The following ZNF804B variants were observed in gnomAD, a reference collection of about 807,000 sequenced individuals.
ZNF804B encodes the protein zinc finger protein 804B, also known as zinc finger 804B.
A neutral mutation model predicts 101.4 loss-of-function variants in ZNF804B; 80 were observed. That is an observed-to-expected ratio of 0.79 (90% confidence interval 0.66 to 0.95). The LOEUF (loss-of-function observed/expected upper bound fraction) is 0.95, where lower values mean the gene tolerates loss of function less well. ZNF804B is among the 40% of genes least tolerant of loss of function. The probability of loss-of-function intolerance (pLI) is 0.00; values close to 1 mark genes in which losing one functional copy is unlikely to be tolerated. For missense variants in ZNF804B, 1,673 were observed against 1,561.9 expected, an observed-to-expected ratio of 1.07 and a Z score of -1.20; for synonymous variants, 622 against 558.8, an observed-to-expected ratio of 1.11 and a Z score of -1.59.
At chr7:88,808,655 A>G (rs1399046575) in intron 1 of ZNF804B, among the ~76,000 whole-genome samples, 1 of 152,172 alleles carries the variant, frequency 6.6e-6, no homozygotes, top group African/African-American at 2.4e-5. Flanking sequence ...AAGCTGTGAA[A>G]AATATGTAAA....
rs1249623635 is a variant in ZNF804B at position 89,218,413 on chromosome 7, C to G, written c.249+118C>G. The stretch of plus-strand genomic sequence containing the variant: ...ACTGTGAGGTAAGAACATTTTATGT[C>G]TTTTTTCCCCCCTGGAAAGGTTGTG... On this transcript the variant is annotated intron_variant, in intron 2 of 3. Transcript: ENST00000333190. 4 of 1,208,180 alleles carry G rather than the reference C, an allele frequency of 3.3e-6. No individual in the cohort carries two copies. The African/African-American group carries it at 4.7e-5, about 14-fold the overall frequency. 74.8% of individuals were successfully genotyped at this position (1,208,180 alleles called of 1,614,324 possible). A position where few individuals can be genotyped will look rare whatever the true frequency, so the allele number is the denominator to read the frequency against.
chr7:88,942,525 T>C (rs1464016065), intron 1 of ZNF804B, among the ~76,000 whole-genome samples: 2 of 150,444 alleles, frequency 1.3e-5, no homozygotes, highest in African/African-American at 4.9e-5. Flanking sequence ...TGTGTGTGTG[T>C]GTGTGTTTTG....
intron 1 of ZNF804B, among the ~76,000 whole-genome samples, chr7:88,797,634 G>A (rs4598183): frequency 6.6e-6 from 1 of 151,932 alleles, no homozygotes; most frequent in African/African-American, 2.4e-5. Context: ...CTGCTACCCA[G>A]GAGCCCCTTT....
intron 1 of ZNF804B, among the ~76,000 whole-genome samples, chr7:88,783,857 T>G (rs923925513): frequency 3.3e-5 from 5 of 152,156 alleles, no homozygotes; most frequent in Non-Finnish European, 4.4e-5. Context: ...TGGGTCATTT[T>G]GGTTGAAATG....
chr7:88,801,084 G>A (rs1790573810), intron 1 of ZNF804B, among the ~76,000 whole-genome samples: 2 of 151,796 alleles, frequency 1.3e-5, no homozygotes. Context: ...GGTTTTTGGG[G>A]AACAGGTGGT....
intron 1 of ZNF804B, among the ~76,000 whole-genome samples, chr7:89,066,539 A>G (rs1789457166): frequency 6.6e-6 from 1 of 152,148 alleles, no homozygotes; most frequent in Admixed American, 6.6e-5. Context: ...CCTGGCCAAA[A>G]TTATCCTTAA....
chr7:88,885,912 C>T (rs981739450), intron 1 of ZNF804B, among the ~76,000 whole-genome samples: 5 of 151,954 alleles, frequency 3.3e-5, no homozygotes, highest in African/African-American at 4.8e-5. Context: ...TGTTCTTTAT[C>T]AAATTTTCAA....
intron 1 of ZNF804B, among the ~76,000 whole-genome samples, chr7:88,983,334 C>A (rs1793718021): frequency 1.3e-5 from 2 of 152,032 alleles, no homozygotes; most frequent in South Asian, 4.1e-4. Context: ...ACATCATAAT[C>A]ATCTGGACAG....
At chr7:89,316,460 C>T (rs1329087534) in intron 2 of ZNF804B, among the ~76,000 whole-genome samples, 1 of 151,998 alleles carries the variant, frequency 6.6e-6, no homozygotes, top group African/African-American at 2.4e-5. Flanking sequence ...GGGTCCCCAA[C>T]CCTTGGGCCA....
At chr7:89,242,607 C>G (rs1181953530) in intron 2 of ZNF804B, among the ~76,000 whole-genome samples, 6 of 151,214 alleles carry the variant, frequency 4.0e-5, no homozygotes, top group African/African-American at 1.5e-4. Flanking sequence ...CACAAAGAAG[C>G]CTTTAGGTCA....
chr7:88,807,930 G>A (rs781236596), intron 1 of ZNF804B, among the ~76,000 whole-genome samples: 1 of 152,142 alleles, frequency 6.6e-6, no homozygotes, highest in Non-Finnish European at 1.5e-5. Context: ...TCCTACAACT[G>A]AAGTGGAAAA....
intron 1 of ZNF804B, among the ~76,000 whole-genome samples, chr7:88,929,751 A>G (rs558587347): frequency 2.0e-5 from 3 of 152,132 alleles, no homozygotes; most frequent in East Asian, 3.9e-4. Context: ...TCCTATTGCA[A>G]TACTATCATT....
intron 1 of ZNF804B, among the ~76,000 whole-genome samples, chr7:88,765,432 A>G (rs1789966695): frequency 6.6e-6 from 1 of 152,174 alleles, no homozygotes. Context: ...GCACTAAAAT[A>G]CGTATTTTTA....
At chr7:88,994,874 A>G (rs999869912) in intron 1 of ZNF804B, among the ~76,000 whole-genome samples, 1 of 152,102 alleles carries the variant, frequency 6.6e-6, no homozygotes, top group Non-Finnish European at 1.5e-5. Flanking sequence ...CTCTGGATTC[A>G]TTTTGCATAG....
intron 1 of ZNF804B, among the ~76,000 whole-genome samples, chr7:89,042,663 A>G (rs1789034092): frequency 6.6e-6 from 1 of 152,176 alleles, no homozygotes; most frequent in Non-Finnish European, 1.5e-5. Context: ...TTTGGGACTA[A>G]TGCAGAGCTA....
chr7:89,096,455 C>T (rs921599679), intron 1 of ZNF804B, among the ~76,000 whole-genome samples: 3 of 152,056 alleles, frequency 2.0e-5, no homozygotes, highest in Non-Finnish European at 1.5e-5. Flanking sequence ...ATCAAATGCT[C>T]CTCTTTGCTG....
rs148951682 is a variant in ZNF804B, at chr7:89,186,756, T to C, written c.109-31399T>C. ...TCCTTCTGCAATAGTAATCTGTTCT[T>C]GATTTTAAAAAGATGTTTAGAAAAA... is the stretch of plus-strand genomic sequence containing the variant. On this transcript the variant is annotated intron_variant, in intron 1 of 3. Transcript: ENST00000333190. Among the ~76,000 whole-genome samples, 1,388 of 152,296 alleles carry C rather than the reference T, an allele frequency of 9.1e-3. 29 individuals carry two copies. Among genetic ancestry groups the C allele is most frequent in the African/African-American group, 0.031 (1,282 of 41,566 alleles).
chr7:89,325,653 CA>C (rs921570513), intron 2 of ZNF804B, among the ~76,000 whole-genome samples: 13 of 151,694 alleles, frequency 8.6e-5, no homozygotes, highest in Admixed American at 2.0e-4. Context: ...AACAGGATTC[CA>C]AAAATGAGTC....
At chr7:89,314,940 A>G (rs920693160) in intron 2 of ZNF804B, among the ~76,000 whole-genome samples, 17 of 152,166 alleles carry the variant, frequency 1.1e-4, no homozygotes, top group Non-Finnish European at 4.4e-5. Context: ...CCTACTGGTG[A>G]ACAGGTGTGT....
Sources: allele counts gnomAD v4.1 joint callset (sites outside exome capture counted in the v4.1 genomes callset), GRCh38; gene constraint gnomAD v4.1.1; transcripts MANE v1.5; gene names NCBI Gene and HGNC (gene_info 2026-07-23, HGNC 2026-07-21).